The following SEC61A2 variants were observed in gnomAD, a reference collection of about 807,000 sequenced individuals.
SEC61A2 encodes SEC61 translocon subunit alpha 2.
Under a neutral mutation model 59.9 loss-of-function variants are expected in SEC61A2, and 28 were observed. The observed-to-expected ratio is 0.47, with a 90% CI of 0.35 to 0.64. The LOEUF (loss-of-function observed/expected upper bound fraction) is 0.64. SEC61A2 is among the 30% of genes least tolerant of loss of function. SEC61A2 has a pLI of 0.01. For synonymous variants in SEC61A2, 202 were observed against 214.4 expected (o/e 0.94, Z 0.50); for missense variants, 340 against 585.9 (o/e 0.58, Z 4.33).
In SEC61A2 at chr10:12,161,377, G is replaced by T. The variant is rs1027621153; in HGVS notation, c.1167+256G>T. On this transcript the variant is annotated intron_variant, in intron 10 of 11. Coordinates refer to ENST00000298428, the MANE Select transcript of SEC61A2 (RefSeq NM_018144.4). This position sits in a 1 kb window ranked among gnomAD's most constrained non-coding sequence, Gnocchi z 5.4. Reference sequence around the variant, plus strand: ...GAGCAGTAACGCTTGAGTCCGGGAGGTGGAGGTTGCAGTGAGCCAAGATTG... The same window carrying T: ...GAGCAGTAACGCTTGAGTCCGGGAGTTGGAGGTTGCAGTGAGCCAAGATTG... 6.6e-6 allele frequency among the ~76,000 whole-genome samples: 1 copy of T among 152,198 alleles called. No individual in the cohort carries two copies. The highest frequency in any genetic ancestry group is 6.5e-5 in the Admixed American group (1 of 15,270).
intron 1 of SEC61A2, among the ~76,000 whole-genome samples, chr10:12,130,542 G>T (rs548060837): frequency 3.2e-4 from 49 of 152,286 alleles, no homozygotes; most frequent in Non-Finnish European, 6.0e-4. Flanking sequence ...CACAAGGATA[G>T]ACAGGGGGCA....
downstream of SEC61A2, chr10:12,165,739 G>C (rs541881762): frequency 6.6e-6 from 1 of 152,152 alleles, no homozygotes; most frequent in South Asian, 2.1e-4. Context: ...TTTCATTGCT[G>C]TTTAGTTTCT....
rs193189205 is a variant in SEC61A2 at position 12,148,276 on chromosome 10, G to A, written c.221-1319G>A. ...TTTTTTTTTTTTAAGACAGAATTTC[G>A]CTCTTGTTGCCCAGGCTGGAGTGCA... On this transcript the variant is annotated intron_variant, in intron 4 of 11. Transcript: ENST00000298428. 3.8e-4 allele frequency among the ~76,000 whole-genome samples: 42 copies of A among 111,950 alleles called. 1 individual carries two copies. Among genetic ancestry groups the A allele is most frequent in the Middle Eastern group, 8.3e-3 (1 of 120 alleles). 73.4% of individuals were successfully genotyped at this position (111,950 alleles called of 152,430 possible).
At chr10:12,163,657 G>C (rs1834586956) in intron 11 of SEC61A2, among the ~76,000 whole-genome samples, 1 of 151,902 alleles carries the variant, frequency 6.6e-6, no homozygotes, top group South Asian at 2.1e-4. Context: ...GGGGCATCCT[G>C]TTGTCCCAGC....
chr10:12,157,502 A>AT (rs35428328), intron 8 of SEC61A2, among the ~76,000 whole-genome samples: 89,264 of 111,040 alleles, frequency 0.8, 37,132 homozygotes, highest in Middle Eastern at 0.93. Context: ...CGCCCGGCTA[A>AT]TTTTTTTTTT....
At position 12,136,197 on chromosome 10, in the gene SEC61A2, G is replaced by A. The variant is rs775885548; in HGVS notation, c.141+27G>A. 8 of 1,369,946 alleles carry A rather than the reference G, an allele frequency of 5.8e-6. No individual in the cohort carries two copies. The South Asian group carries it at 8.3e-5, about 14-fold the overall frequency. The allele number at this position is 1,369,946 out of a possible 1,614,324, so 84.9% of individuals were successfully genotyped here. A position where few individuals can be genotyped will look rare whatever the true frequency, so the allele number is the denominator to read the frequency against. ...TATGTAACTATACTATTAAATAAATGTCTGCACCATTGTTCTAAGGTTTTG... is the reference window on the plus strand; with the variant it reads ...TATGTAACTATACTATTAAATAAATATCTGCACCATTGTTCTAAGGTTTTG... On this transcript the variant is annotated intron_variant, in intron 3 of 11. Coordinates refer to ENST00000298428, the MANE Select transcript of SEC61A2 (RefSeq NM_018144.4).
chr10:12,169,237 T>C, downstream of SEC61A2: 1 of 1,520,172 alleles, frequency 6.6e-7, no homozygotes, highest in East Asian at 2.5e-5. The surrounding 1 kb of genome is among the most constrained non-coding windows in gnomAD (Gnocchi z 4.8). Context: ...ACTTATTCTA[T>C]TTTTTTCTCC....
rs957009196 is a variant in SEC61A2, at chr10:12,155,259, C to T, written c.463-519C>T. 28 of 1,244,234 alleles carry T rather than the reference C, an allele frequency of 2.3e-5. No individual in the cohort carries two copies. The highest frequency in any genetic ancestry group is 5.8e-5 in the East Asian group (2 of 34,642). The allele number at this position is 1,244,234 out of a possible 1,614,324, so 77.1% of individuals were successfully genotyped here. On this transcript the variant is annotated intron_variant, in intron 6 of 11. Transcript: ENST00000298428. This position sits in a 1 kb window ranked among gnomAD's most constrained non-coding sequence, Gnocchi z 4.3. The stretch of plus-strand genomic sequence containing the variant: ...TTGTGTTCTAGTTTTTTATTCTGTA[C>T]ACATTTTATAGAGTATACATATATA...
Position 12,129,776 on chromosome 10 carries a change from CCAGCAG to C in SEC61A2, c.-7_-2del. 1 of 1,485,016 alleles carries C rather than the reference CCAGCAG, an allele frequency of 6.7e-7. No homozygotes were observed. Among genetic ancestry groups the C allele is most frequent in the Non-Finnish European group, 8.9e-7 (1 of 1,121,878 alleles). 92.0% of individuals were successfully genotyped at this position (1,485,016 alleles called of 1,614,324 possible). On this transcript the variant is annotated 5_prime_UTR_variant, in exon 1 of 12. Coordinates refer to ENST00000298428, the MANE Select transcript of SEC61A2 (RefSeq NM_018144.4). The surrounding 1 kb of genome is among the most constrained non-coding windows in gnomAD (Gnocchi z 5.6). ...GGCCGCGGTTTCCCCCTGGGCCTCC[CCAGCAG>C]CAGCCATGGGCAGTGAGTAGCGGCG...
intron 3 of SEC61A2, among the ~76,000 whole-genome samples, chr10:12,139,223 A>C (rs2131650818): frequency 6.6e-6 from 1 of 150,936 alleles, no homozygotes; most frequent in East Asian, 2.0e-4. Context: ...CAGCCTCCCA[A>C]AGTGCTGGGA....
chr10:12,141,669 A>G (rs1174794332), intron 3 of SEC61A2, among the ~76,000 whole-genome samples: 1 of 152,194 alleles, frequency 6.6e-6, no homozygotes, highest in Non-Finnish European at 1.5e-5. Context: ...TTTTCTGTGC[A>G]TCTATTTACA....
chr10:12,138,553 CT>C (rs1401869208), intron 3 of SEC61A2, among the ~76,000 whole-genome samples: 1 of 152,236 alleles, frequency 6.6e-6, no homozygotes, highest in Admixed American at 6.5e-5. Context: ...CAGGCCCAGG[CT>C]ACCACTCATC....
chr10:12,138,481 G>T (rs1160797896), intron 3 of SEC61A2, among the ~76,000 whole-genome samples: 1 of 152,158 alleles, frequency 6.6e-6, no homozygotes, highest in African/African-American at 2.4e-5. Context: ...TACAACCTCT[G>T]TGGATATAGA....
Position 12,143,268 on chromosome 10 carries a change from T to G in SEC61A2, c.220+73T>G. 1 of 1,088,216 alleles carries G rather than the reference T, an allele frequency of 9.2e-7. No homozygotes were observed. The highest frequency in any genetic ancestry group is 1.4e-6 in the Non-Finnish European group (1 of 702,852). The allele number at this position is 1,088,216 out of a possible 1,614,324, so 67.4% of individuals were successfully genotyped here. ...TGGAAACATGTGGATTAGCAATGAGTTTTCAATGTCTACAGGGAGGGGGAG... is the reference window on the plus strand; with the variant it reads ...TGGAAACATGTGGATTAGCAATGAGGTTTCAATGTCTACAGGGAGGGGGAG... On this transcript the variant is annotated intron_variant, in intron 4 of 11. Coordinates refer to ENST00000298428, the MANE Select transcript of SEC61A2 (RefSeq NM_018144.4). The surrounding 1 kb of genome is among the most constrained non-coding windows in gnomAD (Gnocchi z 4.8).
At chr10:12,134,376 C>T (rs995662018) in intron 2 of SEC61A2, among the ~76,000 whole-genome samples, 5 of 152,098 alleles carry the variant, frequency 3.3e-5, no homozygotes, top group Non-Finnish European at 5.9e-5. Context: ...CCTGAGAAAC[C>T]CTGGCTTTGC....
At position 12,160,171 on chromosome 10, in the gene SEC61A2, C is replaced by A. The variant is rs931957054; in HGVS notation, c.976-759C>A. 6.6e-6 allele frequency among the ~76,000 whole-genome samples: 1 copy of A among 152,114 alleles called. No homozygotes were observed. Among genetic ancestry groups the A allele is most frequent in the Non-Finnish European group, 1.5e-5 (1 of 68,030 alleles). On this transcript the variant is annotated intron_variant, in intron 9 of 11. Transcript: ENST00000298428. The surrounding 1 kb of genome is among the most constrained non-coding windows in gnomAD (Gnocchi z 4.1). ...AGTGCTTTGAGTAGTTGGTCCTGTA[C>A]AATTTGTGTTATGATTTTGAGTAAG...
rs1369523913 is a variant in SEC61A2, at chr10:12,143,542, C to G, written c.220+347C>G. On this transcript the variant is annotated intron_variant, in intron 4 of 11. Transcript: ENST00000298428. This position sits in a 1 kb window ranked among gnomAD's most constrained non-coding sequence, Gnocchi z 4.8. ...CTGAGGTCAGGAGTTTGAGACCAGC[C>G]TGGCCAACATGGTGAAACCCCGTCT... 2.0e-5 allele frequency among the ~76,000 whole-genome samples: 3 copies of G among 152,088 alleles called. No homozygotes were observed. The highest frequency in any genetic ancestry group is 7.2e-5 in the African/African-American group (3 of 41,410).
intron 8 of SEC61A2, among the ~76,000 whole-genome samples, chr10:12,157,368 T>A (rs1413132234): frequency 1.3e-5 from 2 of 152,032 alleles, no homozygotes; most frequent in Non-Finnish European, 2.9e-5. Context: ...GGAGTTTTGC[T>A]CTTGTTGCCC....
chr10:12,168,371 C>A (rs1398840219), downstream of SEC61A2, among the ~76,000 whole-genome samples: 1 of 152,132 alleles, frequency 6.6e-6, no homozygotes, highest in Non-Finnish European at 1.5e-5. This position sits in a 1 kb window ranked among gnomAD's most constrained non-coding sequence, Gnocchi z 4.8. Context: ...GTGTATAGAG[C>A]CAATCGCTAT....
Sources: gnomAD v4.1 joint callset for allele counts (sites outside exome capture counted in the v4.1 genomes callset) on GRCh38, gnomAD v4.1.1 for gene constraint, Gnocchi (gnomAD v3.1) non-coding constraint, MANE v1.5 for transcripts, NCBI Gene and HGNC (gene_info 2026-07-23, HGNC 2026-07-21) for gene names.